NTRK2: variants seen among roughly 807,000 people sequenced by gnomAD.
The protein encoded by NTRK2 is neurotrophic receptor tyrosine kinase 2, also known as BDNF/NT-3 growth factors receptor.
A neutral mutation model predicts 94.5 loss-of-function variants in NTRK2; 13 were observed. That is an observed-to-expected ratio of 0.14 (90% CI 0.09 to 0.22). The LOEUF (loss-of-function observed/expected upper bound fraction) is 0.22, where lower values mean the gene tolerates loss of function less well. Ranked by LOEUF, NTRK2 falls within the 10% of genes least tolerant of loss-of-function variation. The pLI, the probability that NTRK2 is intolerant of heterozygous loss-of-function variation, is 1.00. For missense variants in NTRK2, 639 were observed against 1,071.2 expected (o/e 0.60, Z 5.63); for synonymous variants, 372 against 407.4 (o/e 0.91, Z 1.05).
chr9:84,903,835 T>C (rs2077001726), intron 14 of NTRK2, among the ~76,000 whole-genome samples: 1 of 152,048 alleles, frequency 6.6e-6, no homozygotes, highest in African/African-American at 2.4e-5. Flanking sequence ...TCAGTGAACC[T>C]GTAGAAATCC....
chr9:84,689,391 C>T (rs1263935876), intron 2 of NTRK2, among the ~76,000 whole-genome samples: 5 of 152,192 alleles, frequency 3.3e-5, no homozygotes, highest in Admixed American at 3.3e-4. Context: ...GATTTCATGA[C>T]TGTTATTCAG....
intron 15 of NTRK2, among the ~76,000 whole-genome samples, chr9:84,935,489 C>T (rs183820261): frequency 1.5e-4 from 23 of 152,324 alleles, no homozygotes; most frequent in African/African-American, 5.3e-4. Flanking sequence ...TGGCATGATA[C>T]TCCTAAACTC....
At chr9:85,016,300 A>T (rs1180053069) in intron 17 of NTRK2, among the ~76,000 whole-genome samples, 4 of 152,170 alleles carry the variant, frequency 2.6e-5, no homozygotes, top group African/African-American at 9.7e-5. Context: ...TGGGTTGAGG[A>T]AAATAAAAAT....
At chr9:84,820,818 G>C (rs1045453036) in intron 12 of NTRK2, among the ~76,000 whole-genome samples, 1 of 152,128 alleles carries the variant, frequency 6.6e-6, no homozygotes, top group Non-Finnish European at 1.5e-5. Flanking sequence ...ATGGCCTAAT[G>C]GTAATGTGTA....
At chr9:85,018,477 A>G (rs1034154851) in intron 17 of NTRK2, among the ~76,000 whole-genome samples, 2 of 152,152 alleles carry the variant, frequency 1.3e-5, no homozygotes, top group African/African-American at 4.8e-5. Context: ...TCTCCTTGGC[A>G]TTGCCATGTG....
chr9:85,017,919 C>G (rs1411985275), intron 17 of NTRK2, among the ~76,000 whole-genome samples: 1 of 152,054 alleles, frequency 6.6e-6, no homozygotes, highest in East Asian at 1.9e-4. Context: ...ATGAGCTCTT[C>G]TTTATAGGGT....
intron 12 of NTRK2, chr9:84,811,868 CAGGCAGTATGCT>C (rs558129972): frequency 9.4e-7 from 1 of 1,064,874 alleles, no homozygotes; most frequent in East Asian, 5.0e-5. Flanking sequence ...CAGTCTGTGT[CAGGCAGTATGCT>C]TGTCCTGAAG....
intron 12 of NTRK2, among the ~76,000 whole-genome samples, chr9:84,806,170 T>A (rs1588723623): frequency 6.6e-6 from 1 of 152,140 alleles, no homozygotes; most frequent in South Asian, 2.1e-4. Context: ...TGTCCTCCTG[T>A]GGGATGAAGT....
chr9:84,724,199 T>C lies in NTRK2; in HGVS notation c.721-25T>C, dbSNP rs1187804795. On this transcript the variant is annotated intron_variant, in intron 7 of 18. Coordinates refer to ENST00000277120, the MANE Select transcript of NTRK2 (RefSeq NM_006180.6). ...TTGGGATCAATCCTAATCAAGGTTA[T>C]TTTTGTCTGTTAATTCATTTGTAGA... The C allele has an allele frequency of 3.1e-6, 5 of 1,613,888 alleles. No homozygotes were observed. In the African/African-American group the frequency reaches 5.3e-5, roughly 17 times the overall value.
chr9:84,730,181 G>GT (rs1292545268), intron 9 of NTRK2, among the ~76,000 whole-genome samples: 6 of 151,992 alleles, frequency 3.9e-5, no homozygotes, highest in South Asian at 2.1e-4. Flanking sequence ...AGAAAAGCCC[G>GT]TTTTTTTGTT....
chr9:85,019,466 T>C (rs1341140353), intron 17 of NTRK2, among the ~76,000 whole-genome samples: 1 of 152,236 alleles, frequency 6.6e-6, no homozygotes. Flanking sequence ...AATTTTACTT[T>C]GTCAAAGAAA....
intron 14 of NTRK2, chr9:84,877,940 T>A: frequency 9.9e-7 from 1 of 1,013,196 alleles, no homozygotes; most frequent in Non-Finnish European, 1.2e-6. Flanking sequence ...CTAATACTTT[T>A]TCTTACATAG....
chr9:84,871,868 G>A (rs2132114735), intron 14 of NTRK2: 2 of 1,613,380 alleles, frequency 1.2e-6, no homozygotes, highest in Non-Finnish European at 1.7e-6. Context: ...ACTAAAGGAG[G>A]CTAAATCCAT....
At chr9:84,848,943 T>A (rs2074612779) in intron 12 of NTRK2, among the ~76,000 whole-genome samples, 1 of 152,214 alleles carries the variant, frequency 6.6e-6, no homozygotes, top group South Asian at 2.1e-4. Flanking sequence ...ATAAACTTCT[T>A]GCTTCCCTTT....
intron 16 of NTRK2, among the ~76,000 whole-genome samples, chr9:84,951,003 G>A (rs2078761859): frequency 6.6e-6 from 1 of 152,192 alleles, no homozygotes; most frequent in African/African-American, 2.4e-5. Flanking sequence ...GTATCTGCTG[G>A]AAGACTCAGA....
intron 12 of NTRK2, among the ~76,000 whole-genome samples, chr9:84,844,649 T>TCACACACACACACACA (rs10562034): frequency 7.1e-6 from 1 of 140,828 alleles, no homozygotes. Flanking sequence ...AATACCTCAC[T>TCACACACACACACACA]CACACACACA....
At chr9:85,001,806 G>GC (rs1016353689) in intron 17 of NTRK2, among the ~76,000 whole-genome samples, 6 of 152,194 alleles carry the variant, frequency 3.9e-5, no homozygotes, top group Non-Finnish European at 5.9e-5. Context: ...TGCTGCGCTG[G>GC]CCCCTGACTG....
chr9:84,772,459 G>A (rs1015173752), intron 12 of NTRK2, among the ~76,000 whole-genome samples: 2 of 152,124 alleles, frequency 1.3e-5, no homozygotes, highest in Non-Finnish European at 2.9e-5. Context: ...TGTTGGCCAG[G>A]CTGGTTTCAA....
intron 12 of NTRK2, chr9:84,812,322 C>G: frequency 9.5e-7 from 1 of 1,058,096 alleles, no homozygotes; most frequent in Non-Finnish European, 1.1e-6. Context: ...TGGATTGCAG[C>G]ATTTCACTTG....
Sources: gnomAD v4.1 joint callset for allele counts (sites outside exome capture counted in the v4.1 genomes callset) on GRCh38, gnomAD v4.1.1 for gene constraint, MANE v1.5 for transcripts, NCBI Gene and HGNC (gene_info 2026-07-23, HGNC 2026-07-21) for gene names.